CERKL: variants seen among roughly 807,000 people sequenced by gnomAD.
CERKL encodes the protein CERK like autophagy regulator.
CERKL carries 61 observed loss-of-function variants against 63.4 expected under a neutral mutation model. The observed-to-expected ratio is 0.96, with a 90% CI of 0.78 to 1.19. CERKL has a LOEUF of 1.19. Ranked by LOEUF, CERKL falls within the 50% of genes most tolerant of loss-of-function variation. The pLI, the probability that CERKL is intolerant of heterozygous loss-of-function variation, is 0.00. For synonymous variants in CERKL, 250 were observed against 230.5 expected (o/e 1.08, Z -0.77); for missense variants, 675 against 655.5 (o/e 1.03, Z -0.33).
At chr2:181,542,687 G>C (rs1289730251) in intron 11 of CERKL, among the ~76,000 whole-genome samples, 1 of 151,666 alleles carries the variant, frequency 6.6e-6, no homozygotes, top group Non-Finnish European at 1.5e-5. Flanking sequence ...ATAAATCAGA[G>C]TTAAGGCCAG....
In CERKL at chr2:181,550,255, C is replaced by T. The variant is rs1038485740; in HGVS notation, c.821-547G>A. On this transcript the variant is annotated intron_variant, in intron 5 of 12. Transcript: ENST00000410087. This position sits in a 1 kb window ranked among gnomAD's most constrained non-coding sequence, Gnocchi z 4.5. ...CCCTCTGTTATCTGACAAATGTCTC[C>T]TACATTGAAGAAAATGTTTAATTCA... 6.6e-6 allele frequency among the ~76,000 whole-genome samples: 1 copy of T among 152,124 alleles called. No homozygotes were observed. The highest frequency in any genetic ancestry group is 2.4e-5 in the African/African-American group (1 of 41,416).
intron 1 of CERKL, among the ~76,000 whole-genome samples, chr2:181,625,144 C>T (rs556467407): frequency 1.2e-4 from 19 of 152,020 alleles, no homozygotes; most frequent in South Asian, 8.3e-4. Flanking sequence ...AGGAGGAGAA[C>T]CAAAAGAATG....
At chr2:181,605,074 C>G (rs528535697) in intron 1 of CERKL, among the ~76,000 whole-genome samples, 1 of 152,118 alleles carries the variant, frequency 6.6e-6, no homozygotes, top group East Asian at 1.9e-4. Context: ...ACACAAGATA[C>G]GTGAAACAGT....
intron 2 of CERKL, 114 bp from the exon 3 acceptor site, chr2:181,573,998 G>T: frequency 2.2e-6 from 2 of 920,636 alleles, no homozygotes; most frequent in South Asian, 1.6e-5. Flanking sequence ...AATAGTATTT[G>T]CTATTTTTAT....
chr2:181,540,717 C>T (rs1019882921), intron 11 of CERKL, among the ~76,000 whole-genome samples: 2 of 152,136 alleles, frequency 1.3e-5, no homozygotes, highest in Non-Finnish European at 2.9e-5. Context: ...AAGCCACAGA[C>T]GCTGTTAAGT....
chr2:181,605,902 C>T (rs1264550553), intron 1 of CERKL, among the ~76,000 whole-genome samples: 1 of 151,958 alleles, frequency 6.6e-6, no homozygotes, highest in Non-Finnish European at 1.5e-5. Context: ...TGTTCATATG[C>T]TCACTAAGAA....
At chr2:181,613,387 G>A (rs1686057593) in intron 1 of CERKL, among the ~76,000 whole-genome samples, 1 of 152,174 alleles carries the variant, frequency 6.6e-6, no homozygotes, top group South Asian at 2.1e-4. Context: ...TGCCTTCAAG[G>A]AGATGCGAGG....
At chr2:181,650,521 G>A (rs1362251246) in intron 1 of CERKL, among the ~76,000 whole-genome samples, 1 of 152,170 alleles carries the variant, frequency 6.6e-6, no homozygotes, top group African/African-American at 2.4e-5. Context: ...CACTTTGGGA[G>A]GCCACGGCAG....
chr2:181,589,836 G>GTATA (rs542566499), intron 2 of CERKL, among the ~76,000 whole-genome samples: 220 of 152,222 alleles, frequency 1.4e-3, no homozygotes, highest in Admixed American at 3.5e-3. Flanking sequence ...ATGTATGTAT[G>GTATA]TATTTAGAGA....
chr2:181,629,251 C>T (rs1686847141), intron 1 of CERKL, among the ~76,000 whole-genome samples: 1 of 152,108 alleles, frequency 6.6e-6, no homozygotes, highest in South Asian at 2.1e-4. Context: ...CACTTATGAT[C>T]AAGAACAGCA....
At position 181,537,458 on chromosome 2, in the gene CERKL, T is replaced by TACC. The variant is rs1354443489; in HGVS notation, c.*723_*725dup. On this transcript the variant is annotated 3_prime_UTR_variant, in exon 13 of 13. Coordinates refer to ENST00000410087, the MANE Select transcript of CERKL (RefSeq NM_201548.5). The stretch of plus-strand genomic sequence containing the variant: ...ACTTGTATCATGAATTTTAAAACCC[T>TACC]ACCACTTTAAGAAGACAGGGATGGG... The TACC allele has an allele frequency of 4.4e-6, 2 of 453,772 alleles. No homozygotes were observed. Among genetic ancestry groups the TACC allele is most frequent in the African/African-American group, 4.0e-5 (2 of 49,948 alleles). 28.1% of individuals were successfully genotyped at this position (453,772 alleles called of 1,614,324 possible). A position where few individuals can be genotyped will look rare whatever the true frequency, so the allele number is the denominator to read the frequency against.
chr2:181,544,821 C>A, intron 10 of CERKL, 25 bp from the exon 11 acceptor site: 4 of 1,435,102 alleles, frequency 2.8e-6, no homozygotes, highest in Non-Finnish European at 3.9e-6. Context: ...TTCTATTAGA[C>A]ATCAAGAAAT....
intron 2 of CERKL, among the ~76,000 whole-genome samples, chr2:181,585,502 ATACT>A (rs925790724): frequency 1.6e-4 from 25 of 152,292 alleles, no homozygotes; most frequent in African/African-American, 5.3e-4. Context: ...TAAGACAAAA[ATACT>A]TAATAAAGAA....
At chr2:181,583,239 A>G (rs1042785326) in intron 2 of CERKL, among the ~76,000 whole-genome samples, 5 of 152,236 alleles carry the variant, frequency 3.3e-5, no homozygotes, top group African/African-American at 1.2e-4. Context: ...AAGGATGATC[A>G]ATGTGTGTTA....
intron 4 of CERKL, among the ~76,000 whole-genome samples, chr2:181,563,586 A>G (rs544773472): frequency 6.3e-4 from 36 of 57,116 alleles, no homozygotes; most frequent in African/African-American, 3.8e-3. Context: ...TCAAAATGCC[A>G]TAGCATTTTG....
chr2:181,566,857 C>T (rs1406359742), intron 3 of CERKL, among the ~76,000 whole-genome samples: 1 of 152,158 alleles, frequency 6.6e-6, no homozygotes, highest in Admixed American at 6.6e-5. Flanking sequence ...TCCAGGGCAG[C>T]TCTGCCAGAA....
At chr2:181,608,502 C>G (rs1243707378) in intron 1 of CERKL, among the ~76,000 whole-genome samples, 1 of 152,108 alleles carries the variant, frequency 6.6e-6, no homozygotes, top group Non-Finnish European at 1.5e-5. Context: ...ACTCTTTTAA[C>G]TTTTCATTGA....
chr2:181,629,120 A>G (rs1330370875), intron 1 of CERKL, among the ~76,000 whole-genome samples: 5 of 152,186 alleles, frequency 3.3e-5, no homozygotes, highest in Non-Finnish European at 5.9e-5. Context: ...TCATTTTTCA[A>G]TATGATTCAA....
intron 11 of CERKL, among the ~76,000 whole-genome samples, chr2:181,542,478 C>T (rs1034937053): frequency 6.6e-6 from 1 of 152,084 alleles, no homozygotes. Context: ...TATATAAATT[C>T]ACATTTTTAA....
Sources: gnomAD v4.1 joint callset for allele counts (sites outside exome capture counted in the v4.1 genomes callset) on GRCh38, gnomAD v4.1.1 for gene constraint, Gnocchi (gnomAD v3.1) non-coding constraint, MANE v1.5 for transcripts, NCBI Gene and HGNC (gene_info 2026-07-23, HGNC 2026-07-21) for gene names.